SLC41A2: variants seen among roughly 807,000 people sequenced by gnomAD.
SLC41A2 encodes SLC41A1-like 1.
Under a neutral mutation model 58.3 loss-of-function variants are expected in SLC41A2, and 32 were observed. That is an observed-to-expected ratio of 0.55 (90% CI 0.41 to 0.74). The LOEUF is 0.74. SLC41A2 is among the 30% of genes least tolerant of loss of function. The probability of loss-of-function intolerance (pLI) is 0.00; values close to 1 mark genes in which losing one functional copy is unlikely to be tolerated. For missense variants in SLC41A2, 514 were observed against 680.6 expected (o/e 0.76, Z 2.72); for synonymous variants, 190 against 235.0 (o/e 0.81, Z 1.75).
At chr12:104,942,239 G>A (rs1327625368) in intron 1 of SLC41A2, among the ~76,000 whole-genome samples, 1 of 152,098 alleles carries the variant, frequency 6.6e-6, no homozygotes, top group Non-Finnish European at 1.5e-5. Context: ...AGAACTTTGG[G>A]AGGCCGAGGC....
At chr12:104,826,593 C>T (rs1028097134) in intron 10 of SLC41A2, among the ~76,000 whole-genome samples, 7 of 152,152 alleles carry the variant, frequency 4.6e-5, no homozygotes, top group Non-Finnish European at 1.0e-4. Flanking sequence ...TCTCCCTTAC[C>T]CCCTCCTAGA....
intron 6 of SLC41A2, among the ~76,000 whole-genome samples, chr12:104,873,147 T>G (rs1415644005): frequency 2.0e-5 from 3 of 152,192 alleles, no homozygotes; most frequent in Non-Finnish European, 4.4e-5. Flanking sequence ...CTTTGTAGTC[T>G]TTGATCTACA....
chr12:104,946,592 A>C (rs929545596), intron 1 of SLC41A2, among the ~76,000 whole-genome samples: 7 of 152,162 alleles, frequency 4.6e-5, no homozygotes, highest in Non-Finnish European at 8.8e-5. Context: ...TTTTAAAAGG[A>C]GAATACTAAC....
rs764433019 is a variant in SLC41A2, at chr12:104,845,955, C to T, written c.1275G>A (p.Val425=). The T allele has an allele frequency of 3.7e-6, 6 of 1,612,950 alleles. No homozygotes were observed. The South Asian group carries it at 6.6e-5, about 18-fold the overall frequency. Residue 425 remains valine (V), a synonymous_variant, in exon 9 of 11, where the codon GTG becomes GTA. Transcript: ENST00000258538. ...PVINGIGGNL[V]AIQASRISTY... is the part of the protein sequence containing the mutation. Reference sequence around the variant, plus strand: ...TAGAAATCCTGCTAGCCTGAATGGCCACCAAATTACCACCAATACCTGAAA... The same window carrying T: ...TAGAAATCCTGCTAGCCTGAATGGCTACCAAATTACCACCAATACCTGAAA...
chr12:104,953,548 T>C (rs1441178038), intron 1 of SLC41A2, among the ~76,000 whole-genome samples: 2 of 152,194 alleles, frequency 1.3e-5, no homozygotes, highest in Non-Finnish European at 2.9e-5. Flanking sequence ...GGACTTGCTG[T>C]GCCCTCAAGG....
intron 3 of SLC41A2, among the ~76,000 whole-genome samples, chr12:104,897,182 G>A (rs866923604): frequency 3.3e-5 from 4 of 120,714 alleles, no homozygotes; most frequent in Non-Finnish European, 6.4e-5. Context: ...GTCTTACTCC[G>A]TCACCCAGGC....
chr12:104,853,717 A>ATGTATGTATGTC (rs1245147666), intron 8 of SLC41A2, among the ~76,000 whole-genome samples: 1 of 123,400 alleles, frequency 8.1e-6, no homozygotes, highest in Admixed American at 7.5e-5. Flanking sequence ...AAATGTATGT[A>ATGTATGTATGTC]TGTATGTATG....
intron 6 of SLC41A2, among the ~76,000 whole-genome samples, chr12:104,878,292 C>T (rs1348274897): frequency 9.4e-6 from 1 of 106,918 alleles, no homozygotes; most frequent in Non-Finnish European, 1.8e-5. Flanking sequence ...AATAATATAC[C>T]TGTATTTTAT....
Position 104,802,867 on chromosome 12 carries a change from G to A in SLC41A2, c.*2285C>T, listed in dbSNP as rs1385328380. 6.6e-6 allele frequency: 1 copy of A among 152,088 alleles called. No homozygotes were observed. The highest frequency in any genetic ancestry group is 2.4e-5 in the African/African-American group (1 of 41,420). 9.4% of individuals were successfully genotyped at this position (152,088 alleles called of 1,614,324 possible). Reference sequence around the variant, plus strand: ...GTTAGGTAGTTTTGGTACATTTGGAGGGTCATAAACATGTCATAGAAAGAG... The same window carrying A: ...GTTAGGTAGTTTTGGTACATTTGGAAGGTCATAAACATGTCATAGAAAGAG... On this transcript the variant is annotated 3_prime_UTR_variant, in exon 11 of 11. Transcript: ENST00000258538.
chr12:104,828,120 C>G (rs572285111), intron 10 of SLC41A2, among the ~76,000 whole-genome samples: 1 of 152,248 alleles, frequency 6.6e-6, no homozygotes, highest in South Asian at 2.1e-4. Flanking sequence ...AACTGGACGT[C>G]AAGAGGAGCA....
At chr12:104,912,365 CCACA>C (rs1340670070) in intron 2 of SLC41A2, among the ~76,000 whole-genome samples, 1 of 152,146 alleles carries the variant, frequency 6.6e-6, no homozygotes, top group Non-Finnish European at 1.5e-5. Context: ...CCACCCCCAC[CCACA>C]CAAACACCTT....
At chr12:104,847,622 A>AAT (rs1555201328) in intron 8 of SLC41A2, among the ~76,000 whole-genome samples, 4 of 150,596 alleles carry the variant, frequency 2.7e-5, no homozygotes, top group African/African-American at 9.7e-5. Flanking sequence ...AAAAAAAAAA[A>AAT]GTCAAGTCCT....
chr12:104,867,000 T>A lies in SLC41A2; in HGVS notation c.1028-421A>T, dbSNP rs537755502. ...TTCTATTTTATGAAGAAACTGAGGC[T>A]TAGAAACTTAAGAATACAGTGAGGA... On this transcript the variant is annotated intron_variant, in intron 6 of 10. Transcript: ENST00000258538. 2.6e-5 allele frequency among the ~76,000 whole-genome samples: 4 copies of A among 152,226 alleles called. No individual in the cohort carries two copies. In the East Asian group the frequency reaches 5.8e-4, roughly 22 times the overall value.
At chr12:104,905,590 C>G (rs1265996054) in intron 3 of SLC41A2, among the ~76,000 whole-genome samples, 8 of 152,176 alleles carry the variant, frequency 5.3e-5, no homozygotes, top group Non-Finnish European at 1.2e-4. Flanking sequence ...AGGCTCGGGC[C>G]GCACAGGAGC....
intron 1 of SLC41A2, among the ~76,000 whole-genome samples, chr12:104,955,342 TACCTGATTACCCTCACA>T (rs899705270): frequency 6.6e-6 from 1 of 150,456 alleles, no homozygotes; most frequent in Non-Finnish European, 1.5e-5. Context: ...TTACCCTCGC[TACCTGATTACCCTCACA>T]ACCTGATTAG....
intron 1 of SLC41A2, among the ~76,000 whole-genome samples, chr12:104,957,500 T>C (rs957594989): frequency 8.5e-5 from 13 of 152,184 alleles, no homozygotes; most frequent in Admixed American, 7.9e-4. Context: ...GAATGAGTTT[T>C]ATGGCATGTG....
intron 1 of SLC41A2, among the ~76,000 whole-genome samples, chr12:104,949,805 A>C (rs940227349): frequency 6.6e-6 from 1 of 151,926 alleles, no homozygotes; most frequent in African/African-American, 2.4e-5. Flanking sequence ...CTGGCCTCGA[A>C]CTCCCGACCT....
chr12:104,863,924 C>A (rs78819744), intron 7 of SLC41A2, among the ~76,000 whole-genome samples: 16 of 151,944 alleles, frequency 1.1e-4, no homozygotes, highest in South Asian at 8.3e-4. Context: ...TTATGAAGTA[C>A]CTTTCAATAC....
chr12:104,846,403 A>G (rs1259300281), intron 8 of SLC41A2, among the ~76,000 whole-genome samples: 5 of 152,332 alleles, frequency 3.3e-5, no homozygotes, highest in Admixed American at 6.5e-5. Flanking sequence ...ACCCTCTCAC[A>G]TACTCTGAGG....
Sources: gnomAD v4.1 joint callset for allele counts (sites outside exome capture counted in the v4.1 genomes callset) on GRCh38, gnomAD v4.1.1 for gene constraint, MANE v1.5 for transcripts, NCBI Gene and HGNC (gene_info 2026-07-23, HGNC 2026-07-21) for gene names.